Variants in RAB3B observed in about 807,000 individuals in gnomAD.
RAB3B encodes the protein RAB3B, member RAS oncogene family.
In RAB3B, 11 loss-of-function variants were observed where a neutral mutation model predicts 20.5. That is an observed-to-expected ratio of 0.54 (90% confidence interval 0.34 to 0.89). The LOEUF is 0.89. RAB3B is among the 40% of genes least tolerant of loss of function. RAB3B has a pLI of 0.02. For synonymous variants in RAB3B, 99 were observed against 106.3 expected (o/e 0.93, Z 0.42); for missense variants, 225 against 280.9 (o/e 0.80, Z 1.42).
chr1:51,966,525 C>T (rs1684853957), intron 2 of RAB3B, among the ~76,000 whole-genome samples: 1 of 151,996 alleles, frequency 6.6e-6, no homozygotes, highest in Non-Finnish European at 1.5e-5. Context: ...CTTGGAGACC[C>T]CTTCAATAGT....
chr1:51,963,521 T>C (rs571585263), intron 2 of RAB3B, among the ~76,000 whole-genome samples: 23 of 152,344 alleles, frequency 1.5e-4, no homozygotes, highest in African/African-American at 5.5e-4. Context: ...TTCAAATTCA[T>C]GAGCTGATGA....
chr1:51,962,307 A>G (rs571259223), intron 2 of RAB3B, among the ~76,000 whole-genome samples: 4 of 152,348 alleles, frequency 2.6e-5, no homozygotes, highest in African/African-American at 9.6e-5. Flanking sequence ...TGTGGGAGAT[A>G]GTATTAGTCC....
intron 4 of RAB3B, among the ~76,000 whole-genome samples, chr1:51,923,714 C>CAAA (rs56771506): frequency 4.0e-5 from 3 of 74,470 alleles, no homozygotes; most frequent in Non-Finnish European, 9.4e-5. Flanking sequence ...GACTCTGTCT[C>CAAA]AAAAAAAAAA....
rs1491223921 is a variant in RAB3B, at chr1:51,912,554, A to AAAAAAAAAAAAAT, written c.*7372_*7373insATTTTTTTTTTTT. 6.5e-5 allele frequency: 1 copy of AAAAAAAAAAAAAT among 15,500 alleles called. No homozygotes were observed. Among genetic ancestry groups the AAAAAAAAAAAAAT allele is most frequent in the African/African-American group, 1.7e-4 (1 of 5,738 alleles). 1.0% of individuals were successfully genotyped at this position (15,500 alleles called of 1,614,324 possible). On this transcript the variant is annotated 3_prime_UTR_variant, in exon 5 of 5. Transcript: ENST00000371655. ...AGACCGTCTCTATTAAAAAAAAAAA[A>AAAAAAAAAAAAAT]ATATATATATATATATATATATATA...
Position 51,918,548 on chromosome 1 carries a change from T to C in RAB3B, c.*1379A>G, listed in dbSNP as rs565450733. The C allele has an allele frequency of 6.6e-5, 10 of 152,332 alleles. No individual in the cohort carries two copies. In the South Asian group the frequency reaches 2.1e-3, roughly 32 times the overall value. 9.4% of individuals were successfully genotyped at this position (152,332 alleles called of 1,614,324 possible). A position where few individuals can be genotyped will look rare whatever the true frequency, so the allele number is the denominator to read the frequency against. On this transcript the variant is annotated 3_prime_UTR_variant, in exon 5 of 5. Transcript: ENST00000371655. ...CAGGGAGGGAAGAAGAAGAAGAATT[T>C]CCAGGAGGCAGATTTGAGCTCGATA...
In RAB3B at chr1:51,912,135, T is replaced by C. The variant is rs75499206; in HGVS notation, c.*7792A>G. On this transcript the variant is annotated 3_prime_UTR_variant, in exon 5 of 5. Transcript: ENST00000371655. Reference sequence around the variant, plus strand: ...TTCTTTCTTTCTTTTTTTTTTTTTTTTGAGAGGGGGACAGGGTCTTGCTCT... The same window carrying C: ...TTCTTTCTTTCTTTTTTTTTTTTTTCTGAGAGGGGGACAGGGTCTTGCTCT... 10 of 149,954 alleles carry C rather than the reference T, an allele frequency of 6.7e-5. No homozygotes were observed. The highest frequency in any genetic ancestry group is 1.0e-4 in the Non-Finnish European group (7 of 67,574). The allele number at this position is 149,954 out of a possible 1,614,324, so 9.3% of individuals were successfully genotyped here.
intron 2 of RAB3B, among the ~76,000 whole-genome samples, chr1:51,955,276 T>C (rs1684692719): frequency 6.6e-6 from 1 of 152,226 alleles, no homozygotes; most frequent in Non-Finnish European, 1.5e-5. Flanking sequence ...CTCCAGAAGC[T>C]GAGCCAACAC....
intron 2 of RAB3B, among the ~76,000 whole-genome samples, chr1:51,960,985 A>G (rs933396370): frequency 3.3e-5 from 5 of 152,194 alleles, no homozygotes; most frequent in African/African-American, 9.7e-5. Flanking sequence ...CTTTACTACA[A>G]CACTAAGAAG....
At chr1:51,929,330 C>T (rs1393836817) in intron 4 of RAB3B, among the ~76,000 whole-genome samples, 3 of 151,144 alleles carry the variant, frequency 2.0e-5, no homozygotes, top group South Asian at 2.1e-4. Context: ...CATTCTCTCC[C>T]TTTTTTTTTC....
chr1:51,952,777 AT>A (rs1684657661), intron 2 of RAB3B, among the ~76,000 whole-genome samples: 1 of 152,226 alleles, frequency 6.6e-6, no homozygotes, highest in African/African-American at 2.4e-5. Flanking sequence ...GTTGCCCTAA[AT>A]TAAAAACATG....
intron 1 of RAB3B, among the ~76,000 whole-genome samples, chr1:51,989,038 T>C (rs950397212): frequency 6.6e-6 from 1 of 151,056 alleles, no homozygotes; most frequent in Non-Finnish European, 1.5e-5. Flanking sequence ...ATAGGGCCTT[T>C]CACGGCTTCC....
At chr1:51,966,780 A>C (rs1173758736) in intron 2 of RAB3B, among the ~76,000 whole-genome samples, 1 of 152,170 alleles carries the variant, frequency 6.6e-6, no homozygotes, top group East Asian at 1.9e-4. Flanking sequence ...TGTACTCAGG[A>C]ACTGTCTTCA....
intron 2 of RAB3B, among the ~76,000 whole-genome samples, chr1:51,951,223 A>C (rs946668430): frequency 6.6e-6 from 1 of 151,632 alleles, no homozygotes; most frequent in Non-Finnish European, 1.5e-5. Context: ...CATGATGCTG[A>C]GGTTTGGGGT....
chr1:51,933,416 C>T lies in RAB3B; in HGVS notation c.374G>A (p.Trp125Ter). 5.6e-6 allele frequency: 9 copies of T among 1,613,180 alleles called. No individual in the cohort carries two copies. Among genetic ancestry groups the T allele is most frequent in the Non-Finnish European group, 7.6e-6 (9 of 1,179,228 alleles). ...CACCAGAATAACTTGTGCATTGTCC[C>T]AGGAGTAGGTCTTGATCTGAGTAGC... Reference protein sequence around the residue: ...DWATQIKTYSWDNAQVILVGN... With the variant: ...DWATQIKTYS Residue 125 changes from tryptophan to a stop codon, truncating the protein, a stop_gained, in exon 4 of 5, where the codon TGG (tryptophan) becomes TAG (stop). Coordinates refer to ENST00000371655, the MANE Select transcript of RAB3B (RefSeq NM_002867.4). LOFTEE classifies it high-confidence loss of function.
chr1:51,962,289 A>G (rs1183620818), intron 2 of RAB3B, among the ~76,000 whole-genome samples: 2 of 152,222 alleles, frequency 1.3e-5, no homozygotes, highest in South Asian at 2.1e-4. Flanking sequence ...GTCAGCTCAC[A>G]TCAGCTTTGT....
intron 2 of RAB3B, among the ~76,000 whole-genome samples, chr1:51,969,949 A>G (rs1473553767): frequency 6.6e-6 from 1 of 152,058 alleles, no homozygotes; most frequent in East Asian, 1.9e-4. Flanking sequence ...GCACACCTGT[A>G]GTTCCAGCTA....
intron 1 of RAB3B, among the ~76,000 whole-genome samples, chr1:51,985,021 G>C (rs529443439): frequency 2.0e-5 from 3 of 152,290 alleles, no homozygotes; most frequent in African/African-American, 7.2e-5. Flanking sequence ...ACCCTCAGAT[G>C]AATTCTTAGG....
At chr1:51,976,356 G>A (rs921096265) in intron 2 of RAB3B, among the ~76,000 whole-genome samples, 9 of 151,958 alleles carry the variant, frequency 5.9e-5, no homozygotes, top group African/African-American at 2.2e-4. Context: ...TTTGAGAGAT[G>A]AGGTCTCACA....
intron 1 of RAB3B, chr1:51,980,685 A>G: frequency 2.6e-6 from 2 of 756,740 alleles, no homozygotes. Flanking sequence ...ATGTGAAGCT[A>G]CATTACTATG....
Sources: allele counts gnomAD v4.1 joint callset (sites outside exome capture counted in the v4.1 genomes callset), GRCh38; gene constraint gnomAD v4.1.1; transcripts MANE v1.5; gene names NCBI Gene and HGNC (gene_info 2026-07-23, HGNC 2026-07-21).